Variants in ZNF891 observed in about 807,000 individuals in gnomAD.
The protein encoded by ZNF891 is zinc finger protein 891, also known as hCG1646157.
For synonymous variants in ZNF891, 199 were observed against 209.0 expected, an observed-to-expected ratio of 0.95 and a Z score of 0.41; for missense variants, 589 against 632.7, an observed-to-expected ratio of 0.93 and a Z score of 0.74.
At position 133,120,880 on chromosome 12, in the gene ZNF891, G is replaced by A. The variant is rs1333455452; in HGVS notation, c.1039C>T (p.Gln347Ter). The change falls in exon 2 of 2, where the codon CAA (glutamine) becomes TAA (stop). Residue 347 changes from glutamine (Q) to a stop codon, truncating the protein, a stop_gained. Transcript: ENST00000537226. LOFTEE classifies it low-confidence loss of function (END_TRUNC). ...LYKKSHMGEK[Q>*]YECKECGKVF... ...TTACCACATTCTTTACATTCATATT[G>A]TTTCTCACCCATGTGACTTTTCTTG... 7 of 1,541,280 alleles carry A rather than the reference G, an allele frequency of 4.5e-6. No homozygotes were observed. The African/African-American group carries it at 6.8e-5, about 15-fold the overall frequency.
Position 133,120,199 on chromosome 12 carries a change from C to G in ZNF891, c.*85G>C, listed in dbSNP as rs11147239. On this transcript the variant is annotated 3_prime_UTR_variant, in exon 2 of 2. Coordinates refer to ENST00000537226, the MANE Select transcript of ZNF891 (RefSeq NM_001277291.2). ...AAAAGAGCCATTTGTAACCTTAAAT[C>G]GTTCTTTTAGAGAACAAAGACTGAG... 0.31 allele frequency: 340,470 copies of G among 1,112,180 alleles called. 54,312 individuals are homozygous for G. The highest frequency in any genetic ancestry group is 0.45 in the African/African-American group (28,820 of 63,646). The allele number at this position is 1,112,180 out of a possible 1,614,324, so 68.9% of individuals were successfully genotyped here. A position where few individuals can be genotyped will look rare whatever the true frequency, so the allele number is the denominator to read the frequency against.
chr12:133,106,323 G>T lies in ZNF891; in HGVS notation c.*13961C>A, dbSNP rs1955594364. ...CACTCATTCCTTATTAAACATCAGA[G>T]AATTCATGCTGGAGAAAAGCTCTAT... On this transcript the variant is annotated 3_prime_UTR_variant, in exon 2 of 2. Transcript: ENST00000537226. 1 of 1,614,172 alleles carries T rather than the reference G, an allele frequency of 6.2e-7. No homozygotes were observed. Among genetic ancestry groups the T allele is most frequent in the Non-Finnish European group, 8.5e-7 (1 of 1,180,028 alleles).
At position 133,110,409 on chromosome 12, in the gene ZNF891, T is replaced by G. The variant is rs1955674980; in HGVS notation, c.*9875A>C. 6.6e-6 allele frequency: 1 copy of G among 152,162 alleles called. No homozygotes were observed. The allele number at this position is 152,162 out of a possible 1,614,324, so 9.4% of individuals were successfully genotyped here. A position where few individuals can be genotyped will look rare whatever the true frequency, so the allele number is the denominator to read the frequency against. On this transcript the variant is annotated 3_prime_UTR_variant, in exon 2 of 2. Coordinates refer to ENST00000537226, the MANE Select transcript of ZNF891 (RefSeq NM_001277291.2). ...TTTTTAAAAGAAGTCTCCCAAAAGG[T>G]TATTAAAACTAATCTTCAGCATTGG...
At position 133,121,435 on chromosome 12, in the gene ZNF891, T is replaced by G. The variant is rs915684271; in HGVS notation, c.484A>C (p.Arg162=). 6.5e-7 allele frequency: 1 copy of G among 1,536,168 alleles called. No homozygotes were observed. Among genetic ancestry groups the G allele is most frequent in the South Asian group, 1.2e-5 (1 of 84,066 alleles). ...CCCCCTGGAATCTTATGCTGTTTTCTGATCTTATGGCATTCCCAGTCTTCT... is the reference window on the plus strand; with the variant it reads ...CCCCCTGGAATCTTATGCTGTTTTCGGATCTTATGGCATTCCCAGTCTTCT... ...LREDWECHKI[R]KQHKIPGGHW... is the part of the protein sequence containing the mutation. Residue 162 remains arginine (R), a synonymous_variant, in exon 2 of 2, where the codon AGA becomes CGA. Transcript: ENST00000537226.
In ZNF891 at chr12:133,121,679, G is replaced by A. The variant is rs950714635; in HGVS notation, c.240C>T (p.Thr80=). ...GCCTGTACAACTGATATTCCACGGA[G>A]GTGAGATTTCTATAGTTTTCCAACA... ...DVMLENYRNL[T]SVEYQLYRLT... is the part of the protein sequence containing the mutation. Residue 80 remains threonine (T), a synonymous_variant, in exon 2 of 2, where the codon ACC becomes ACT. Transcript: ENST00000537226. The A allele has an allele frequency of 6.5e-7, 1 of 1,536,254 alleles. No homozygotes were observed. The highest frequency in any genetic ancestry group is 1.4e-5 in the African/African-American group (1 of 73,020).
chr12:133,105,805 G>A lies in ZNF891; in HGVS notation c.*14479C>T. 1 of 1,614,120 alleles carries A rather than the reference G, an allele frequency of 6.2e-7. No homozygotes were observed. Among genetic ancestry groups the A allele is most frequent in the Non-Finnish European group, 8.5e-7 (1 of 1,180,046 alleles). On this transcript the variant is annotated 3_prime_UTR_variant, in exon 2 of 2. Coordinates refer to ENST00000537226, the MANE Select transcript of ZNF891 (RefSeq NM_001277291.2). Reference sequence around the variant, plus strand: ...AAACTTTTGGTCGACGCTTTTCCCTGGTGTTACACCAGAGGACTCATACTG... The same window carrying A: ...AAACTTTTGGTCGACGCTTTTCCCTAGTGTTACACCAGAGGACTCATACTG...
rs948806736 is a variant in ZNF891, at chr12:133,105,193, T to G, written c.*15091A>C. On this transcript the variant is annotated 3_prime_UTR_variant, in exon 2 of 2. Coordinates refer to ENST00000537226, the MANE Select transcript of ZNF891 (RefSeq NM_001277291.2). ...TATGAAATTGCCATTTTTAGATAAT[T>G]CTGGCAGTAAATACCGTTTAAATGG... Among the ~76,000 whole-genome samples the G allele has an allele frequency of 1.1e-4, 16 of 152,198 alleles. No homozygotes were observed. Among genetic ancestry groups the G allele is most frequent in the African/African-American group, 3.9e-4 (16 of 41,438 alleles).
At chr12:133,123,701 C>A (rs1397951910) in intron 1 of ZNF891, among the ~76,000 whole-genome samples, 1 of 149,364 alleles carries the variant, frequency 6.7e-6, no homozygotes, top group African/African-American at 2.5e-5. Context: ...GAGTGAAATC[C>A]TTTGCTTGAA....
In ZNF891 at chr12:133,105,065, T is replaced by C. The variant is rs975036564; in HGVS notation, c.*15219A>G. On this transcript the variant is annotated 3_prime_UTR_variant, in exon 2 of 2. Coordinates refer to ENST00000537226, the MANE Select transcript of ZNF891 (RefSeq NM_001277291.2). ...AGGCAAGTTTTCAGAGAAACCGCTT[T>C]TTTTTTCATTTAGATTATTATAAGA... Among the ~76,000 whole-genome samples the C allele has an allele frequency of 2.0e-4, 30 of 152,212 alleles. No individual in the cohort carries two copies. Among genetic ancestry groups the C allele is most frequent in the African/African-American group, 6.5e-4 (27 of 41,466 alleles).
rs540577165 is a variant in ZNF891, at chr12:133,106,974, T to C, written c.*13310A>G. On this transcript the variant is annotated 3_prime_UTR_variant, in exon 2 of 2. Transcript: ENST00000537226. ...TGTGTAAATTCCTACCAGGAAAGAATACATATCCAATAGATTGGAGAAAGC... is the reference window on the plus strand; with the variant it reads ...TGTGTAAATTCCTACCAGGAAAGAACACATATCCAATAGATTGGAGAAAGC... 6 of 192,338 alleles carry C rather than the reference T, an allele frequency of 3.1e-5. No individual in the cohort carries two copies. The highest frequency in any genetic ancestry group is 5.3e-5 in the Non-Finnish European group (5 of 93,478). 11.9% of individuals were successfully genotyped at this position (192,338 alleles called of 1,614,324 possible).
Position 133,121,134 on chromosome 12 carries a change from G to T in ZNF891, c.785C>A (p.Thr262Lys), listed in dbSNP as rs909621803. The change falls in exon 2 of 2, where the codon ACA (threonine) becomes AAA (lysine). Residue 262 changes from threonine (T) to lysine (K), a missense_variant. Transcript: ENST00000537226. ...AGAATATGTGTACTCTTTTTGTACT[G>T]TTTGATTTCTCTGAAAATGCCATAG... ...TTLWHFQRNQ[T>K]VQKEYTYSKH... The T allele has an allele frequency of 6.5e-7, 1 of 1,535,180 alleles. No homozygotes were observed. Among genetic ancestry groups the T allele is most frequent in the Non-Finnish European group, 8.7e-7 (1 of 1,146,592 alleles).
At chr12:133,127,304 AC>A (rs1359379035) in intron 1 of ZNF891, among the ~76,000 whole-genome samples, 1 of 152,128 alleles carries the variant, frequency 6.6e-6, no homozygotes. Flanking sequence ...GTATCTAAGA[AC>A]TGATCCATCA....
intron 1 of ZNF891, chr12:133,125,699 C>T (rs2137625065): frequency 3.1e-6 from 1 of 327,372 alleles, no homozygotes; most frequent in Non-Finnish European, 6.1e-6. Context: ...GATTGACCAC[C>T]ATGCTATCAT....
At chr12:133,125,643 G>A in intron 1 of ZNF891, 1 of 273,104 alleles carries the variant, frequency 3.7e-6, no homozygotes, top group South Asian at 3.9e-5. Context: ...CTGAGGCTCT[G>A]GAGGCAGCCC....
rs562310796 is a variant in ZNF891, at chr12:133,121,347, T to C, written c.572A>G (p.Tyr191Cys). Residue 191 changes from tyrosine to cysteine, a missense_variant, in exon 2 of 2, where the codon TAT becomes TGT. By Grantham distance (194) the Tyr-to-Cys change is radical. Transcript: ENST00000537226. ...KTVPQELFRD[Y>C]HELEENSKLG... ...TTTAGAGTTTTCCTCTAATTCATGA[T>C]AGTCACGGAATAGCTCCTGAGGTAC... The C allele has an allele frequency of 1.2e-5, 18 of 1,536,080 alleles. No individual in the cohort carries two copies. In the East Asian group the frequency reaches 3.2e-4, roughly 27 times the overall value.
At position 133,120,818 on chromosome 12, in the gene ZNF891, T is replaced by C. The variant is rs1370846978; in HGVS notation, c.1101A>G (p.Val367=). 2 of 1,565,592 alleles carry C rather than the reference T, an allele frequency of 1.3e-6. No homozygotes were observed. The highest frequency in any genetic ancestry group is 1.2e-5 in the South Asian group (1 of 85,438). Reference sequence around the variant, plus strand: ...AGGGTTTCTCTCCAGTGTGAGTTCTTACATGTCTCCTTAAGGTTGAGGAAT... The same window carrying C: ...AGGGTTTCTCTCCAGTGTGAGTTCTCACATGTCTCCTTAAGGTTGAGGAAT... ...FNDSSTLRRH[V]RTHTGEKPYE... The change falls in exon 2 of 2, where the codon GTA becomes GTG. Residue 367 remains valine, a synonymous_variant. Coordinates refer to ENST00000537226, the MANE Select transcript of ZNF891 (RefSeq NM_001277291.2).
In ZNF891 at chr12:133,112,217, G is replaced by A. The variant is rs1456651230; in HGVS notation, c.*8067C>T. 8.7e-6 allele frequency: 1 copy of A among 115,246 alleles called. No individual in the cohort carries two copies. The highest frequency in any genetic ancestry group is 1.8e-5 in the Non-Finnish European group (1 of 55,526). 7.1% of individuals were successfully genotyped at this position (115,246 alleles called of 1,614,324 possible). A position where few individuals can be genotyped will look rare whatever the true frequency, so the allele number is the denominator to read the frequency against. On this transcript the variant is annotated 3_prime_UTR_variant, in exon 2 of 2. Transcript: ENST00000537226. ...TTGCTCTTGCTGTTCTATTTAGAAA[G>A]CTCTTCCTCTGTCCCTCCACCCTCT...
At position 133,124,352 on chromosome 12, in the gene ZNF891, G is replaced by A. The variant is rs527617210; in HGVS notation, c.-106-2328C>T. Among the ~76,000 whole-genome samples the A allele has an allele frequency of 3.2e-4, 48 of 152,094 alleles. No individual in the cohort carries two copies. The South Asian group carries it at 9.4e-3, about 30-fold the overall frequency. On this transcript the variant is annotated intron_variant, in intron 1 of 1. Coordinates refer to ENST00000537226, the MANE Select transcript of ZNF891 (RefSeq NM_001277291.2). Reference sequence around the variant, plus strand: ...AAAGATATGCATATGTGTTGAACAGGAATTCCAGAAGAGGAGAAAAAAGGG... The same window carrying A: ...AAAGATATGCATATGTGTTGAACAGAAATTCCAGAAGAGGAGAAAAAAGGG...
Position 133,117,032 on chromosome 12 carries a change from A to T in ZNF891, c.*3252T>A, listed in dbSNP as rs1955718966. On this transcript the variant is annotated 3_prime_UTR_variant, in exon 2 of 2. Transcript: ENST00000537226. ...CTCTCTTCCTTGCTATCTTTTATTT[A>T]AATGACCTCTCCTCAATCACATAGA... The T allele has an allele frequency of 6.6e-6, 1 of 152,184 alleles. No individual in the cohort carries two copies. The highest frequency in any genetic ancestry group is 2.1e-4 in the South Asian group (1 of 4,832). The allele number at this position is 152,184 out of a possible 1,614,324, so 9.4% of individuals were successfully genotyped here. A position where few individuals can be genotyped will look rare whatever the true frequency, so the allele number is the denominator to read the frequency against.
Sources: gnomAD v4.1 joint callset for allele counts (sites outside exome capture counted in the v4.1 genomes callset) on GRCh38, gnomAD v4.1.1 for gene constraint, MANE v1.5 for transcripts, NCBI Gene and HGNC (gene_info 2026-07-23, HGNC 2026-07-21) for gene names.